TEX15: variants seen among roughly 807,000 people sequenced by gnomAD.
The protein encoded by TEX15 is testis expressed 15, meiosis and synapsis associated, also known as testis-expressed protein 15.
Under a neutral mutation model 237.3 loss-of-function variants are expected in TEX15, and 171 were observed. That is an observed-to-expected ratio of 0.72 (90% confidence interval 0.64 to 0.82). The LOEUF is 0.82. Among genes scored for constraint, TEX15 ranks in the 40% least tolerant of loss-of-function variants. TEX15 has a pLI of 0.00. For missense variants in TEX15, 3,750 were observed against 3,646.5 expected (o/e 1.03, Z -0.73); for synonymous variants, 1,338 against 1,269.8 (o/e 1.05, Z -1.14).
chr8:30,842,050 T>A lies in TEX15; in HGVS notation c.8117A>T (p.Gln2706Leu). Residue 2706 changes from glutamine (Q) to leucine (L), a missense_variant, in exon 8 of 11, where the codon CAG (glutamine) becomes CTG (leucine). Transcript: ENST00000643185. ...PSTVDKCEDS[Q>L]EQQQDTTVSS... ...AACAGTAGTATCTTGCTGTTGTTCCTGAGAGTCTTCACATTTGTCTACAGT... is the reference window on the plus strand; with the variant it reads ...AACAGTAGTATCTTGCTGTTGTTCCAGAGAGTCTTCACATTTGTCTACAGT... 6.2e-7 allele frequency: 1 copy of A among 1,609,782 alleles called. No individual in the cohort carries two copies. The highest frequency in any genetic ancestry group is 8.5e-7 in the Non-Finnish European group (1 of 1,178,944).
In TEX15 at chr8:30,843,729, A is replaced by G. The variant is rs771994841; in HGVS notation, c.6438T>C (p.His2146=). ...CTTCAAGCAATTCAACTAATTGATC[A>G]TGGTAAGTCTGTAACTCACAGAATG... ...YNAFCELQTY[H]DQLVELLEET... The change falls in exon 8 of 11, where the codon CAT becomes CAC. Residue 2146 remains histidine (H), a synonymous_variant. Coordinates refer to ENST00000643185, the MANE Select transcript of TEX15 (RefSeq NM_001350162.2). 1.5e-5 allele frequency: 25 copies of G among 1,613,058 alleles called. No individual in the cohort carries two copies. Among genetic ancestry groups the G allele is most frequent in the Non-Finnish European group, 2.1e-5 (25 of 1,179,598 alleles).
At position 30,843,405 on chromosome 8, in the gene TEX15, G is replaced by T. The variant is rs752978425; in HGVS notation, c.6762C>A (p.Asn2254Lys). ...ATATTTTAACACGTACTGCCTCGTT[G>T]TTCTTAATAAAATTAACCTTTGAGG... is the stretch of plus-strand genomic sequence containing the variant. The part of the protein sequence containing the change: ...MISSKVNFIK[N>K]NEAVRVKISL... The change falls in exon 8 of 11, where the codon AAC becomes AAA. Residue 2254 changes from asparagine (N) to lysine (K), a missense_variant. Physicochemically the swap from Asn to Lys is moderately conservative, Grantham distance 94 (BLOSUM62 0). Transcript: ENST00000643185. 6.2e-7 allele frequency: 1 copy of T among 1,612,918 alleles called. No individual in the cohort carries two copies. Among genetic ancestry groups the T allele is most frequent in the South Asian group, 1.1e-5 (1 of 91,034 alleles).
chr8:30,834,682 T>C (rs575519072), intron 10 of TEX15, among the ~76,000 whole-genome samples: 52 of 152,266 alleles, frequency 3.4e-4, no homozygotes, highest in African/African-American at 1.2e-3. Context: ...GGGAGAACAT[T>C]AAGTTGTTCA....
chr8:30,846,421 A>T lies in TEX15; in HGVS notation c.3746T>A (p.Val1249Glu), dbSNP rs1345273640. 1 of 1,613,472 alleles carries T rather than the reference A, an allele frequency of 6.2e-7. No individual in the cohort carries two copies. The highest frequency in any genetic ancestry group is 1.7e-5 in the Admixed American group (1 of 59,990). ...LSFDLSRNTD[V>E]NHTSENQNSE... is the part of the protein sequence containing the mutation. The stretch of plus-strand genomic sequence containing the variant: ...GTTCTGATTTTCAGACGTATGATTC[A>T]CATCTGTATTACGACTCAAGTCAAA... The change falls in exon 8 of 11, where the codon GTG becomes GAG. Residue 1249 changes from valine to glutamate, a missense_variant. By Grantham distance (121) the Val-to-Glu change is moderately radical. Transcript: ENST00000643185.
intron 2 of TEX15, chr8:30,887,895 TA>T: frequency 3.2e-5 from 1 of 31,418 alleles, no homozygotes; most frequent in East Asian, 4.4e-4. Flanking sequence ...ATTTCATATA[TA>T]TATATATATA....
intron 1 of TEX15, among the ~76,000 whole-genome samples, chr8:30,908,139 GTC>G (rs1233767541): frequency 6.6e-6 from 1 of 152,128 alleles, no homozygotes; most frequent in Non-Finnish European, 1.5e-5. Context: ...GCCCAGGCTG[GTC>G]TTGAATTCCT....
intron 3 of TEX15, among the ~76,000 whole-genome samples, chr8:30,881,616 AT>A (rs199820564): frequency 1.2e-5 from 1 of 86,904 alleles, no homozygotes; most frequent in Admixed American, 1.2e-4. Context: ...TTGACTTTTT[AT>A]TTTTTTTTAT....
chr8:30,846,948 T>C lies in TEX15; in HGVS notation c.3219A>G (p.Ile1073Met). 6.2e-7 allele frequency: 1 copy of C among 1,613,802 alleles called. No homozygotes were observed. Among genetic ancestry groups the C allele is most frequent in the Non-Finnish European group, 8.5e-7 (1 of 1,179,758 alleles). The part of the protein sequence containing the change: ...IELEDCDDAF[I>M]FQQDTHSHEN... Reference sequence around the variant, plus strand: ...CATGGCTATGTGTATCTTGTTGAAATATAAAAGCATCATCACAATCTTCTA... The same window carrying C: ...CATGGCTATGTGTATCTTGTTGAAACATAAAAGCATCATCACAATCTTCTA... Residue 1073 changes from isoleucine (I) to methionine (M), a missense_variant, in exon 8 of 11, where the codon ATA becomes ATG. Physicochemically the swap from Ile to Met is conservative, Grantham distance 10 (BLOSUM62 1). Coordinates refer to ENST00000643185, the MANE Select transcript of TEX15 (RefSeq NM_001350162.2).
At chr8:30,859,810 C>T (rs1368842523) in intron 6 of TEX15, 101 bp downstream of exon 6, 12 of 913,064 alleles carry the variant, frequency 1.3e-5, no homozygotes, top group South Asian at 3.9e-5. Context: ...TTATATTGAA[C>T]GAATTAAGAG....
intron 2 of TEX15, among the ~76,000 whole-genome samples, chr8:30,898,280 C>T (rs940799433): frequency 6.6e-6 from 1 of 152,084 alleles, no homozygotes; most frequent in Non-Finnish European, 1.5e-5. Flanking sequence ...AGAGGTGAGG[C>T]CTTTGGAGAT....
rs527549322 is a variant in TEX15, at chr8:30,873,547, G to A, written c.302+1390C>T. Among the ~76,000 whole-genome samples, 10 of 152,168 alleles carry A rather than the reference G, an allele frequency of 6.6e-5. 1 individual carries two copies. The highest frequency in any genetic ancestry group is 5.2e-4 in the Admixed American group (8 of 15,262). On this transcript the variant is annotated intron_variant, in intron 4 of 10. Transcript: ENST00000643185. ...TTTCCCATTTGGGAATACTGGAGGG[G>A]TGGGGATTCCTCATTGCCCTCTTCC... is the stretch of plus-strand genomic sequence containing the variant.
chr8:30,837,734 G>A lies in TEX15; in HGVS notation c.8550C>T (p.Gly2850=). The part of the protein sequence containing the change: ...FAICDQKSVH[G]TFSPDHGTLL... The stretch of plus-strand genomic sequence containing the variant: ...GCGTCCCATGGTCTGGTGAAAATGT[G>A]CCATGTACACTTTTTTGGTCACAAA... The change falls in exon 10 of 11, where the codon GGC becomes GGT. Residue 2850 remains glycine, a synonymous_variant. Transcript: ENST00000643185. The A allele has an allele frequency of 6.2e-7, 1 of 1,614,084 alleles. No homozygotes were observed.
chr8:30,831,995 C>CTTACTTCT lies in TEX15; in HGVS notation c.*1283_*1290dup, dbSNP rs1563222779. ...TTAACTCTATCGTCTTTTCAAATCT[C>CTTACTTCT]TTACTTCTTTCGGTTACAGTTCTTT... On this transcript the variant is annotated 3_prime_UTR_variant, in exon 11 of 11. Coordinates refer to ENST00000643185, the MANE Select transcript of TEX15 (RefSeq NM_001350162.2). The CTTACTTCT allele has an allele frequency of 1.3e-5, 2 of 152,122 alleles. No individual in the cohort carries two copies. Among genetic ancestry groups the CTTACTTCT allele is most frequent in the Admixed American group, 1.3e-4 (2 of 15,262 alleles). The allele number at this position is 152,122 out of a possible 1,614,324, so 9.4% of individuals were successfully genotyped here. A position where few individuals can be genotyped will look rare whatever the true frequency, so the allele number is the denominator to read the frequency against.
intron 4 of TEX15, among the ~76,000 whole-genome samples, chr8:30,872,703 ATG>A (rs766971616): frequency 6.6e-6 from 1 of 152,044 alleles, no homozygotes; most frequent in Non-Finnish European, 1.5e-5. Flanking sequence ...CTTTAGGCTT[ATG>A]TGTGTGTTTG....
At chr8:30,904,154 G>A (rs1215827309) in intron 1 of TEX15, among the ~76,000 whole-genome samples, 2 of 152,070 alleles carry the variant, frequency 1.3e-5, no homozygotes, top group African/African-American at 4.8e-5. Context: ...ATAATAAAAC[G>A]ACCTTATTTA....
intron 9 of TEX15, among the ~76,000 whole-genome samples, chr8:30,838,773 CATATATATATATATATATAT>C (rs34610592): frequency 0.12 from 7,641 of 65,516 alleles, 545 homozygotes; most frequent in Admixed American, 0.28. Flanking sequence ...TATATAAAAA[CATATATATATATATATATAT>C]ATATATATAT....
intron 1 of TEX15, among the ~76,000 whole-genome samples, chr8:30,904,602 T>C (rs1022022269): frequency 6.6e-6 from 1 of 152,210 alleles, no homozygotes; most frequent in African/African-American, 2.4e-5. Context: ...TGACCAATAC[T>C]GAATCAACTT....
intron 1 of TEX15, among the ~76,000 whole-genome samples, chr8:30,911,706 A>C (rs985946021): frequency 6.6e-6 from 1 of 152,122 alleles, no homozygotes; most frequent in Non-Finnish European, 1.5e-5. Flanking sequence ...CAGCGACCTC[A>C]GCCTCTCCAC....
chr8:30,910,365 A>G (rs548421066), intron 1 of TEX15, among the ~76,000 whole-genome samples: 1 of 152,320 alleles, frequency 6.6e-6, no homozygotes, highest in Non-Finnish European at 1.5e-5. Flanking sequence ...TAAAATTTCA[A>G]AAAGTGCCAG....
Sources: allele counts gnomAD v4.1 joint callset (sites outside exome capture counted in the v4.1 genomes callset), GRCh38; gene constraint gnomAD v4.1.1; transcripts MANE v1.5; gene names NCBI Gene and HGNC (gene_info 2026-07-23, HGNC 2026-07-21).